TBL1X: variants seen among roughly 807,000 people sequenced by gnomAD.
The protein encoded by TBL1X is F-box-like/WD repeat-containing protein TBL1X.
TBL1X carries 10 observed loss-of-function variants against 50.7 expected under a neutral mutation model. That is an observed-to-expected ratio of 0.20 (90% confidence interval 0.12 to 0.33). The LOEUF is 0.33. TBL1X is among the 10% of genes least tolerant of loss of function. The probability of loss-of-function intolerance (pLI) is 1.00; values close to 1 mark genes in which losing one functional copy is unlikely to be tolerated. For synonymous variants in TBL1X, 190 were observed against 214.7 expected, an observed-to-expected ratio of 0.88 and a Z score of 1.01; for missense variants, 340 against 504.4, an observed-to-expected ratio of 0.67 and a Z score of 3.12.
chrX:9,581,372 G>C (rs2082440693), intron 2 of TBL1X, among the ~76,000 whole-genome samples: 1 of 111,886 alleles, frequency 8.9e-6, no homozygotes, highest in Non-Finnish European at 1.9e-5. Context: ...AGGGGGAAGA[G>C]TTCACACCGT....
At chrX:9,507,306 CAGAG>C (rs1335487247) in intron 2 of TBL1X, among the ~76,000 whole-genome samples, 1 of 111,661 alleles carries the variant, frequency 9.0e-6, no homozygotes, top group African/African-American at 3.3e-5. Flanking sequence ...AGTAGGCAGG[CAGAG>C]AGACAAATCA....
At chrX:9,635,659 G>A (rs1279922413) in intron 2 of TBL1X, among the ~76,000 whole-genome samples, 1 of 111,899 alleles carries the variant, frequency 8.9e-6, no homozygotes, top group Non-Finnish European at 1.9e-5. Flanking sequence ...GCAGGCTCCC[G>A]GCTCCTCCTT....
intron 12 of TBL1X, among the ~76,000 whole-genome samples, chrX:9,699,475 T>C (rs1601848230): frequency 8.9e-6 from 1 of 112,119 alleles, no homozygotes; most frequent in East Asian, 2.8e-4. Context: ...TTAACTATTC[T>C]ATCAGCTGTC....
intron 15 of TBL1X, among the ~76,000 whole-genome samples, chrX:9,710,002 A>G (rs2083235402): frequency 8.9e-6 from 1 of 111,872 alleles, no homozygotes; most frequent in Non-Finnish European, 1.9e-5. Context: ...AGGCAGGACG[A>G]TGGCTTGAGC....
chrX:9,603,773 A>T (rs763014793), intron 2 of TBL1X, among the ~76,000 whole-genome samples: 4 of 111,326 alleles, frequency 3.6e-5, no homozygotes, highest in Non-Finnish European at 5.7e-5. Flanking sequence ...TGCAGAATCA[A>T]GGGGTCCGCA....
intron 2 of TBL1X, among the ~76,000 whole-genome samples, chrX:9,594,095 A>C (rs779392443): frequency 1.8e-5 from 2 of 112,855 alleles, no homozygotes; most frequent in African/African-American, 6.4e-5. Context: ...GCTGGCAGAC[A>C]GTTATTTGAG....
intron 17 of TBL1X, 30 bp downstream of exon 17, chrX:9,715,033 T>C (rs1318989411): frequency 2.6e-6 from 3 of 1,163,160 alleles, no homozygotes; most frequent in South Asian, 3.7e-5. Flanking sequence ...TGCTGGGGAG[T>C]GGGGTGTTGG....
At chrX:9,602,827 C>T (rs1214329991) in intron 2 of TBL1X, among the ~76,000 whole-genome samples, 1 of 112,225 alleles carries the variant, frequency 8.9e-6, no homozygotes, top group African/African-American at 3.2e-5. Context: ...AGGAAAGTCT[C>T]AATGATTTTA....
intron 5 of TBL1X, among the ~76,000 whole-genome samples, chrX:9,664,389 T>C (rs753211599): frequency 8.9e-6 from 1 of 111,913 alleles, no homozygotes; most frequent in African/African-American, 3.3e-5. Flanking sequence ...GGGTACTCTC[T>C]TGTGTAATGG....
At position 9,634,373 on chromosome X, in the gene TBL1X, C is replaced by T. The variant is rs749970068; in HGVS notation, c.-130-5900C>T. Among the ~76,000 whole-genome samples, 30 of 111,229 alleles carry T rather than the reference C, an allele frequency of 2.7e-4. No homozygotes were observed. In the South Asian group the frequency reaches 0.011, roughly 40 times the overall value. ...CTGTACACATGGAAACCACCACTGC[C>T]GTCGGACACAGTGTATGCTGTAGAA... is the stretch of plus-strand genomic sequence containing the variant. On this transcript the variant is annotated intron_variant, in intron 2 of 17. Coordinates refer to ENST00000645353, the MANE Select transcript of TBL1X (RefSeq NM_005647.4).
rs138651326 is a variant in TBL1X, at chrX:9,702,070, A to G, written c.1115-2923A>G. On this transcript the variant is annotated intron_variant, in intron 12 of 17. Coordinates refer to ENST00000645353, the MANE Select transcript of TBL1X (RefSeq NM_005647.4). ...GCACCTCTTATTTGAAGACCGAGGA[A>G]GAATAGGGGCAATTGATGGTTAGTA... 5.4e-3 allele frequency among the ~76,000 whole-genome samples: 597 copies of G among 111,570 alleles called. 3 individuals carry two copies. Among genetic ancestry groups the G allele is most frequent in the African/African-American group, 0.018 (561 of 30,716 alleles).
intron 1 of TBL1X, among the ~76,000 whole-genome samples, chrX:9,487,725 T>G (rs2081920881): frequency 8.9e-6 from 1 of 111,999 alleles, no homozygotes; most frequent in Non-Finnish European, 1.9e-5. Context: ...TACCTAAAGG[T>G]CAACGTAGAA....
At chrX:9,632,821 A>T (rs2082728296) in intron 2 of TBL1X, among the ~76,000 whole-genome samples, 5 of 112,106 alleles carry the variant, frequency 4.5e-5, no homozygotes, top group Admixed American at 3.8e-4. Context: ...AGATATCAGT[A>T]ACAATTGCCT....
rs1194015488 is a variant in TBL1X, at chrX:9,709,623, T to C, written c.1312-10T>C. ...GCTTTTGCTCATGTTGTGTCTGGTG[T>C]GTTCTGTAGATCTGGAGCATGAAAC... On this transcript the variant is annotated splice_polypyrimidine_tract_variant and intron_variant, in intron 14 of 17. Coordinates refer to ENST00000645353, the MANE Select transcript of TBL1X (RefSeq NM_005647.4). 4.1e-6 allele frequency: 5 copies of C among 1,207,300 alleles called. No individual in the cohort carries two copies. In the Admixed American group the frequency reaches 8.8e-5, roughly 21 times the overall value.
intron 2 of TBL1X, among the ~76,000 whole-genome samples, chrX:9,503,941 T>G (rs2681657): frequency 0.43 from 47,870 of 110,718 alleles, 7,644 homozygotes; most frequent in Admixed American, 0.56. Context: ...AGGGACAGAG[T>G]GCTCCATTAA....
intron 2 of TBL1X, among the ~76,000 whole-genome samples, chrX:9,593,210 T>C (rs922570220): frequency 9.1e-6 from 1 of 109,747 alleles, no homozygotes; most frequent in African/African-American, 3.3e-5. Flanking sequence ...AAGACCAGCC[T>C]GGCCAATGTG....
chrX:9,579,638 A>G (rs193001790), intron 2 of TBL1X, among the ~76,000 whole-genome samples: 18 of 111,681 alleles, frequency 1.6e-4, no homozygotes, highest in Non-Finnish European at 2.8e-4. Context: ...CATCCGAGTC[A>G]ATGTCAGAAG....
In TBL1X at chrX:9,688,274, C is replaced by G. The variant is rs1320404521; in HGVS notation, c.615C>G (p.Val205=). ...VNGEENRAHS[V]NNHAKPMEID... is the part of the protein sequence containing the mutation. ...GGGAAGAGAACAGAGCACATTCAGTCAGTGAGTGCAGGGGCTCTGGGAGTT... is the reference window on the plus strand; with the variant it reads ...GGGAAGAGAACAGAGCACATTCAGTGAGTGAGTGCAGGGGCTCTGGGAGTT... The change falls in exon 7 of 18, where the codon GTC becomes GTG. Residue 205 remains valine (V), a splice_region_variant and synonymous_variant. Coordinates refer to ENST00000645353, the MANE Select transcript of TBL1X (RefSeq NM_005647.4). 1.7e-6 allele frequency: 2 copies of G among 1,172,888 alleles called. No homozygotes were observed. The highest frequency in any genetic ancestry group is 2.3e-5 in the Admixed American group (1 of 42,798).
chrX:9,513,090 C>A (rs975809907), intron 2 of TBL1X, among the ~76,000 whole-genome samples: 2 of 110,655 alleles, frequency 1.8e-5, no homozygotes, highest in African/African-American at 6.6e-5. Flanking sequence ...CCGGAGGAAG[C>A]CCCCAGAGTC....
Sources: allele counts gnomAD v4.1 joint callset (sites outside exome capture counted in the v4.1 genomes callset), GRCh38; gene constraint gnomAD v4.1.1; transcripts MANE v1.5; gene names NCBI Gene and HGNC (gene_info 2026-07-23, HGNC 2026-07-21).